B3GALT1: variants seen among roughly 807,000 people sequenced by gnomAD.
B3GALT1 encodes the protein beta-1,3-galactosyltransferase 1, also known as UDP-Gal:betaGlcNAc beta 1,3-galactosyltransferase, polypeptide 1.
B3GALT1 carries 10 observed loss-of-function variants against 23.2 expected under a neutral mutation model. That is an observed-to-expected ratio of 0.43 (90% CI 0.27 to 0.73). B3GALT1 has a LOEUF of 0.73. B3GALT1 is among the 30% of genes least tolerant of loss of function. The pLI, the probability that B3GALT1 is intolerant of heterozygous loss-of-function variation, is 0.21. For synonymous variants in B3GALT1, 156 were observed against 141.5 expected, an observed-to-expected ratio of 1.10 and a Z score of -0.73; for missense variants, 299 against 405.4, an observed-to-expected ratio of 0.74 and a Z score of 2.25.
At chr2:167,517,521 T>C (rs1700124564) in intron 2 of B3GALT1, among the ~76,000 whole-genome samples, 1 of 152,092 alleles carries the variant, frequency 6.6e-6, no homozygotes, top group African/African-American at 2.4e-5. Context: ...TCTGAAATTT[T>C]ATATGCACTT....
intron 1 of B3GALT1, among the ~76,000 whole-genome samples, chr2:167,447,441 C>T (rs1699017816): frequency 6.6e-6 from 1 of 152,232 alleles, no homozygotes; most frequent in Middle Eastern, 3.2e-3. Context: ...TTTTGTTCAG[C>T]TATGCCCTGT....
chr2:167,473,871 G>A lies in B3GALT1; in HGVS notation c.-510-16306G>A, dbSNP rs142063980. Among the ~76,000 whole-genome samples, 33 of 152,238 alleles carry A rather than the reference G, an allele frequency of 2.2e-4. No homozygotes were observed. In the East Asian group the frequency reaches 6.2e-3, roughly 28 times the overall value. ...TTATTGCTTCAAGAACTTAAATGTC[G>A]TAGAGTAGCGTAGAGACACGTGAAG... On this transcript the variant is annotated intron_variant, in intron 1 of 4. Coordinates refer to ENST00000392690, the MANE Select transcript of B3GALT1 (RefSeq NM_020981.4).
intron 1 of B3GALT1, among the ~76,000 whole-genome samples, chr2:167,384,875 C>T (rs1697903296): frequency 6.6e-6 from 1 of 152,080 alleles, no homozygotes; most frequent in South Asian, 2.1e-4. Context: ...CCAATATCCT[C>T]CATCTTGTCC....
intron 1 of B3GALT1, among the ~76,000 whole-genome samples, chr2:167,342,319 G>T (rs1697160017): frequency 6.6e-6 from 1 of 152,180 alleles, no homozygotes; most frequent in Admixed American, 6.5e-5. Context: ...TGGATGCAGT[G>T]GCTCACGCCT....
intron 1 of B3GALT1, among the ~76,000 whole-genome samples, chr2:167,387,012 CATCATATCAT>C (rs143849741): frequency 6.6e-6 from 1 of 151,120 alleles, no homozygotes; most frequent in Non-Finnish European, 1.5e-5. Context: ...TAGGTAGTCT[CATCATATCAT>C]ATCATATCAT....
chr2:167,613,378 G>A (rs1653385), intron 2 of B3GALT1, among the ~76,000 whole-genome samples: 129,712 of 151,444 alleles, frequency 0.86, 55,899 homozygotes, highest in African/African-American at 0.96. Context: ...ACATTTTATG[G>A]CATTGAAAGC....
At chr2:167,811,716 C>G (rs1368270056) in intron 3 of B3GALT1, among the ~76,000 whole-genome samples, 2 of 152,186 alleles carry the variant, frequency 1.3e-5, no homozygotes, top group African/African-American at 2.4e-5. Context: ...CTCCTATCTT[C>G]TGGGGGCTGC....
At chr2:167,798,557 CTTGT>C in intron 3 of B3GALT1, among the ~76,000 whole-genome samples, 1 of 152,316 alleles carries the variant, frequency 6.6e-6, no homozygotes, top group South Asian at 2.1e-4. Flanking sequence ...TTCCCCATTG[CTTGT>C]TTTTGCTGGC....
intron 4 of B3GALT1, among the ~76,000 whole-genome samples, chr2:167,829,727 T>C (rs1689305918): frequency 6.6e-6 from 1 of 152,120 alleles, no homozygotes; most frequent in Non-Finnish European, 1.5e-5. Flanking sequence ...CCCCTCCCCT[T>C]GGCTAAGATG....
At chr2:167,729,295 G>T (rs968131750) in intron 3 of B3GALT1, among the ~76,000 whole-genome samples, 2 of 152,200 alleles carry the variant, frequency 1.3e-5, no homozygotes, top group Non-Finnish European at 2.9e-5. Context: ...GACAAACATT[G>T]TCTGCTTCTT....
chr2:167,578,852 A>G (rs568844181), intron 2 of B3GALT1, among the ~76,000 whole-genome samples: 2 of 152,068 alleles, frequency 1.3e-5, no homozygotes, highest in Middle Eastern at 3.4e-3. Context: ...AGTTATGGGG[A>G]TATTTGGAGG....
chr2:167,453,213 T>C (rs1699115194), intron 1 of B3GALT1, among the ~76,000 whole-genome samples: 1 of 152,146 alleles, frequency 6.6e-6, no homozygotes, highest in Non-Finnish European at 1.5e-5. Context: ...CACTATAAGA[T>C]AAATGTGCTG....
intron 4 of B3GALT1, among the ~76,000 whole-genome samples, chr2:167,822,679 T>C (rs73021243): frequency 0.017 from 2,624 of 152,320 alleles, 77 homozygotes; most frequent in African/African-American, 0.06. Context: ...CTCTTGGCAC[T>C]GGTTTTCATC....
At chr2:167,389,970 T>C (rs1574060077) in intron 1 of B3GALT1, among the ~76,000 whole-genome samples, 1 of 144,674 alleles carries the variant, frequency 6.9e-6, no homozygotes, top group African/African-American at 2.6e-5. Context: ...TGAGAAGAGG[T>C]TCTGGAAATG....
At chr2:167,522,723 T>A (rs1016285573) in intron 2 of B3GALT1, among the ~76,000 whole-genome samples, 3 of 152,102 alleles carry the variant, frequency 2.0e-5, no homozygotes, top group Non-Finnish European at 2.9e-5. Context: ...TGAAAAAGAG[T>A]AGGTGAAGTC....
chr2:167,510,835 A>G (rs928589920), intron 2 of B3GALT1, among the ~76,000 whole-genome samples: 1 of 152,146 alleles, frequency 6.6e-6, no homozygotes, highest in African/African-American at 2.4e-5. Flanking sequence ...AACTTTATGA[A>G]TTTGGAATTC....
intron 1 of B3GALT1, among the ~76,000 whole-genome samples, chr2:167,338,091 T>C (rs1697087563): frequency 6.6e-6 from 1 of 152,202 alleles, no homozygotes; most frequent in Admixed American, 6.5e-5. Context: ...ATTTCCAAGA[T>C]AATTTTTAAG....
intron 3 of B3GALT1, among the ~76,000 whole-genome samples, chr2:167,676,945 A>G (rs1686439378): frequency 6.6e-6 from 1 of 152,152 alleles, no homozygotes; most frequent in African/African-American, 2.4e-5. Context: ...TTAAAATTCA[A>G]ATTTGGTCCT....
At chr2:167,787,308 T>C (rs1688357691) in intron 3 of B3GALT1, among the ~76,000 whole-genome samples, 1 of 152,106 alleles carries the variant, frequency 6.6e-6, no homozygotes, top group South Asian at 2.1e-4. Context: ...TATCAGGAAG[T>C]TTATGTACTA....
Sources: gnomAD v4.1 joint callset for allele counts (sites outside exome capture counted in the v4.1 genomes callset) on GRCh38, gnomAD v4.1.1 for gene constraint, MANE v1.5 for transcripts, NCBI Gene and HGNC (gene_info 2026-07-23, HGNC 2026-07-21) for gene names.